Variants in TNRC18 observed in about 807,000 individuals in gnomAD.
TNRC18 encodes trinucleotide repeat containing 18.
In TNRC18, 69 loss-of-function variants were observed where a neutral mutation model predicts 226.7. The observed-to-expected ratio is 0.30, with a 90% CI of 0.25 to 0.37. The LOEUF (loss-of-function observed/expected upper bound fraction) is 0.37. TNRC18 is among the 10% of genes least tolerant of loss of function. The pLI is 1.00. For synonymous variants in TNRC18, 2,449 were observed against 1,927.6 expected, an observed-to-expected ratio of 1.27 and a Z score of -7.09; for missense variants, 4,754 against 4,256.6, an observed-to-expected ratio of 1.12 and a Z score of -3.25.
intron 11 of TNRC18, among the ~76,000 whole-genome samples, chr7:5,363,831 G>T (rs1793334994): frequency 6.9e-6 from 1 of 144,900 alleles, no homozygotes. Flanking sequence ...AGCCCAGGAT[G>T]AAAAACACAA....
Position 5,374,500 on chromosome 7 carries a change from C to T in TNRC18, c.2800-16G>A, listed in dbSNP as rs1405456201. 1 of 1,539,512 alleles carries T rather than the reference C, an allele frequency of 6.5e-7. No individual in the cohort carries two copies. The highest frequency in any genetic ancestry group is 2.5e-5 in the East Asian group (1 of 39,704). Reference sequence around the variant, plus strand: ...ACCGCTCCTGCTGGGAAGGGGCCGGCAGGCAGGGTCAGCACGGCACGAGTT... The same window carrying T: ...ACCGCTCCTGCTGGGAAGGGGCCGGTAGGCAGGGTCAGCACGGCACGAGTT... On this transcript the variant is annotated splice_polypyrimidine_tract_variant and intron_variant, in intron 9 of 29. Transcript: ENST00000430969.
intron 11 of TNRC18, among the ~76,000 whole-genome samples, chr7:5,368,032 T>C (rs1217206002): frequency 1.4e-5 from 2 of 142,358 alleles, no homozygotes; most frequent in Admixed American, 1.4e-4. Context: ...AGGATAACCA[T>C]CATGTTATTT....
At position 5,388,883 on chromosome 7, in the gene TNRC18, C is replaced by T; in HGVS notation, c.941G>A (p.Gly314Asp). 1 of 1,343,084 alleles carries T rather than the reference C, an allele frequency of 7.4e-7. No homozygotes were observed. The highest frequency in any genetic ancestry group is 9.6e-7 in the Non-Finnish European group (1 of 1,043,458). 83.2% of individuals were successfully genotyped at this position (1,343,084 alleles called of 1,614,324 possible). A position where few individuals can be genotyped will look rare whatever the true frequency, so the allele number is the denominator to read the frequency against. Residue 314 changes from glycine (G) to aspartate (D), a missense_variant, in exon 5 of 30, where the codon GGC becomes GAC. Physicochemically the swap from Gly to Asp is moderately conservative, Grantham distance 94. Coordinates refer to ENST00000430969, the MANE Select transcript of TNRC18 (RefSeq NM_001080495.3). ...CTCCGTGCGCCGCAGCAGCCGCGCG[C>T]CCTCGTCCTGCCGGGCAGCCTCCTT... ...GAKEAARQDE[G>D]ARLLRRTETL...
chr7:5,324,482 G>A lies in TNRC18; in HGVS notation c.6301-127C>T. On this transcript the variant is annotated intron_variant, in intron 20 of 29. Transcript: ENST00000430969. The surrounding 1 kb of genome is among the most constrained non-coding windows in gnomAD (Gnocchi z 4.8). Reference sequence around the variant, plus strand: ...GGGGAATCTGTCATGTGCATGGCAGGGATCCCAGTTAGGGGCACCCCAGAG... The same window carrying A: ...GGGGAATCTGTCATGTGCATGGCAGAGATCCCAGTTAGGGGCACCCCAGAG... 1.5e-6 allele frequency: 2 copies of A among 1,337,186 alleles called. No homozygotes were observed. Among genetic ancestry groups the A allele is most frequent in the South Asian group, 1.4e-5 (1 of 74,046 alleles). 82.8% of individuals were successfully genotyped at this position (1,337,186 alleles called of 1,614,324 possible).
chr7:5,383,061 ATTTATT>A (rs780602295), intron 5 of TNRC18, among the ~76,000 whole-genome samples: 7 of 142,728 alleles, frequency 4.9e-5, no homozygotes, highest in Non-Finnish European at 7.4e-5. Context: ...TGCTCGGATG[ATTTATT>A]TTTATTTTTA....
intron 2 of TNRC18, among the ~76,000 whole-genome samples, chr7:5,397,804 C>A (rs910681608): frequency 5.3e-5 from 8 of 152,140 alleles, no homozygotes; most frequent in Non-Finnish European, 1.0e-4. Flanking sequence ...TGTGACCACC[C>A]ACAACCCCTC....
At position 5,338,881 on chromosome 7, in the gene TNRC18, T is replaced by C. The variant is rs1244226530; in HGVS notation, c.5720-5832A>G. Reference sequence around the variant, plus strand: ...GTTGTGGTGAGCCGAGATCATGCCGTTGCACTCCAGCCTGGGCAATGAGAG... The same window carrying C: ...GTTGTGGTGAGCCGAGATCATGCCGCTGCACTCCAGCCTGGGCAATGAGAG... On this transcript the variant is annotated intron_variant, in intron 18 of 29. Coordinates refer to ENST00000430969, the MANE Select transcript of TNRC18 (RefSeq NM_001080495.3). Among the ~76,000 whole-genome samples the C allele has an allele frequency of 2.8e-5, 4 of 145,290 alleles. No individual in the cohort carries two copies. In the East Asian group the frequency reaches 8.1e-4, roughly 30 times the overall value.
chr7:5,412,511 G>A (rs138420397), intron 2 of TNRC18, among the ~76,000 whole-genome samples: 86 of 152,200 alleles, frequency 5.7e-4, no homozygotes, highest in African/African-American at 2.0e-3. Flanking sequence ...GGGAGGTGGA[G>A]GTTGCAGTGG....
intron 3 of TNRC18, 42 bp from the exon 4 acceptor site, chr7:5,390,670 C>T (rs748212836): frequency 1.2e-5 from 17 of 1,469,412 alleles, no homozygotes; most frequent in Non-Finnish European, 1.5e-5. Context: ...CCAATTCGTG[C>T]TGCTCACCAG....
Position 5,356,896 on chromosome 7 carries a change from G to T in TNRC18, c.5194+20C>A. On this transcript the variant is annotated intron_variant, in intron 16 of 29. Coordinates refer to ENST00000430969, the MANE Select transcript of TNRC18 (RefSeq NM_001080495.3). ...GGAGAGAAGCAGCGGACCAGAGGTGGCGCGGCATACGCTACTTACTGTAAG... is the reference window on the plus strand; with the variant it reads ...GGAGAGAAGCAGCGGACCAGAGGTGTCGCGGCATACGCTACTTACTGTAAG... The T allele has an allele frequency of 6.6e-7, 1 of 1,508,912 alleles. No homozygotes were observed. The allele number at this position is 1,508,912 out of a possible 1,614,324, so 93.5% of individuals were successfully genotyped here. A position where few individuals can be genotyped will look rare whatever the true frequency, so the allele number is the denominator to read the frequency against.
At chr7:5,396,035 G>T (rs1003310639) in intron 2 of TNRC18, among the ~76,000 whole-genome samples, 3 of 149,740 alleles carry the variant, frequency 2.0e-5, no homozygotes, top group Non-Finnish European at 3.0e-5. Flanking sequence ...GCTGGGCGTG[G>T]TGGCGGGCAC....
chr7:5,366,301 T>C (rs916230771), intron 11 of TNRC18, among the ~76,000 whole-genome samples: 2 of 149,174 alleles, frequency 1.3e-5, no homozygotes, highest in African/African-American at 4.9e-5. Context: ...AGAATGCTTG[T>C]TTTGCTCTTC....
Position 5,320,438 on chromosome 7 carries a change from T to G in TNRC18, c.6637-12A>C. ...CTCACATCGATGATCTAGAAGGGCATGGGATGAGTGCAAGGTGTGGACACA... is the reference window on the plus strand; with the variant it reads ...CTCACATCGATGATCTAGAAGGGCAGGGGATGAGTGCAAGGTGTGGACACA... On this transcript the variant is annotated splice_polypyrimidine_tract_variant and intron_variant, in intron 23 of 29. Transcript: ENST00000430969. The G allele has an allele frequency of 6.4e-7, 1 of 1,562,180 alleles. No homozygotes were observed. The highest frequency in any genetic ancestry group is 8.7e-7 in the Non-Finnish European group (1 of 1,153,228).
intron 1 of TNRC18, among the ~76,000 whole-genome samples, chr7:5,422,324 TA>T (rs1782633138): frequency 6.6e-6 from 1 of 151,876 alleles, no homozygotes; most frequent in South Asian, 2.1e-4. Flanking sequence ...GCTCCTACTC[TA>T]GCTTCCCCCC....
In TNRC18 at chr7:5,312,442, C is replaced by G. The variant is rs1019275554; in HGVS notation, c.8388+61G>C. The G allele has an allele frequency of 1.9e-6, 3 of 1,579,156 alleles. No homozygotes were observed. Among genetic ancestry groups the G allele is most frequent in the Non-Finnish European group, 2.6e-6 (3 of 1,167,300 alleles). On this transcript the variant is annotated intron_variant, in intron 27 of 29. Coordinates refer to ENST00000430969, the MANE Select transcript of TNRC18 (RefSeq NM_001080495.3). This position sits in a 1 kb window ranked among gnomAD's most constrained non-coding sequence, Gnocchi z 6.3. The stretch of plus-strand genomic sequence containing the variant: ...CGGAGACACAGCATGAAGCCGTGGG[C>G]CCAGCAGAGAGACACAAGGCCCCCG...
chr7:5,345,450 T>C, intron 18 of TNRC18, 112 bp downstream of exon 18: 2 of 1,116,214 alleles, frequency 1.8e-6, no homozygotes, highest in Non-Finnish European at 2.5e-6. Flanking sequence ...GTTCTGCCCA[T>C]TCCCAGCTCT....
At chr7:5,415,567 G>A (rs993977521) in intron 2 of TNRC18, among the ~76,000 whole-genome samples, 7 of 151,046 alleles carry the variant, frequency 4.6e-5, no homozygotes, top group African/African-American at 1.7e-4. Flanking sequence ...TTTCAGTAGA[G>A]ATGCTGTTTC....
Position 5,387,831 on chromosome 7 carries a change from C to T in TNRC18, c.1993G>A (p.Gly665Arg), listed in dbSNP as rs758428168. 2.4e-5 allele frequency: 38 copies of T among 1,606,456 alleles called. No homozygotes were observed. Among genetic ancestry groups the T allele is most frequent in the Non-Finnish European group, 3.1e-5 (36 of 1,179,322 alleles). ...CCCTGGGCACCAGAGCCCTCGCGCC[C>T]GAAAGCTTTGGCGCTCTCGGGCCTC... ...PERPESAKAF[G>R]REGSGAQGEA... The change falls in exon 5 of 30, where the codon GGG becomes AGG. Residue 665 changes from glycine (G) to arginine (R), a missense_variant. Transcript: ENST00000430969.
chr7:5,364,804 GA>G lies in TNRC18; in HGVS notation c.4220-1980del, dbSNP rs778909525. Among the ~76,000 whole-genome samples the G allele has an allele frequency of 5.7e-3, 504 of 88,214 alleles. 1 individual carries two copies. Among genetic ancestry groups the G allele is most frequent in the East Asian group, 0.017 (50 of 2,860 alleles). The allele number at this position is 88,214 out of a possible 152,430, so 57.9% of individuals were successfully genotyped here. On this transcript the variant is annotated intron_variant, in intron 11 of 29. Transcript: ENST00000430969. ...GGGCAACAGAGGGAGGCTGTCTCAGGAAAAAAAAAAAAAAAAAAAAGATCTC... is the reference window on the plus strand; with the variant it reads ...GGGCAACAGAGGGAGGCTGTCTCAGGAAAAAAAAAAAAAAAAAAAGATCTC...
Sources: gnomAD v4.1 joint callset for allele counts (sites outside exome capture counted in the v4.1 genomes callset) on GRCh38, gnomAD v4.1.1 for gene constraint, Gnocchi (gnomAD v3.1) non-coding constraint, MANE v1.5 for transcripts, NCBI Gene and HGNC (gene_info 2026-07-23, HGNC 2026-07-21) for gene names.